The following EFHC1 variants were observed in gnomAD, a reference collection of about 807,000 sequenced individuals.
The protein encoded by EFHC1 is EF-hand domain containing 1.
A neutral mutation model predicts 69.9 loss-of-function variants in EFHC1; 53 were observed. The ratio of observed to expected loss-of-function variants is 0.76; its 90% CI spans 0.61 to 0.95. The LOEUF (loss-of-function observed/expected upper bound fraction) is 0.95, where lower values mean the gene tolerates loss of function less well. Ranked by LOEUF, EFHC1 falls within the 40% of genes least tolerant of loss-of-function variation. EFHC1 has a pLI of 0.00. For synonymous variants in EFHC1, 256 were observed against 278.4 expected, an observed-to-expected ratio of 0.92 and a Z score of 0.80; for missense variants, 739 against 798.7, an observed-to-expected ratio of 0.93 and a Z score of 0.90.
intron 3 of EFHC1, among the ~76,000 whole-genome samples, chr6:52,447,570 T>G (rs6458840): frequency 6.6e-6 from 1 of 152,168 alleles, no homozygotes; most frequent in Non-Finnish European, 1.5e-5. Flanking sequence ...TTTCTCTCAA[T>G]TCATCAAAGT....
Position 52,492,400 on chromosome 6 carries a change from C to G in EFHC1, c.*59C>G, listed in dbSNP as rs556512411. ...TACTGGAACTATGCTTTGAAATACA[C>G]CTTACACTCTTCATAGAGGCATTTA... On this transcript the variant is annotated 3_prime_UTR_variant, in exon 11 of 11. Transcript: ENST00000371068. 4.0e-6 allele frequency: 6 copies of G among 1,489,834 alleles called. No individual in the cohort carries two copies. The highest frequency in any genetic ancestry group is 5.6e-6 in the Non-Finnish European group (6 of 1,071,152). 92.3% of individuals were successfully genotyped at this position (1,489,834 alleles called of 1,614,324 possible). A position where few individuals can be genotyped will look rare whatever the true frequency, so the allele number is the denominator to read the frequency against.
At chr6:52,427,587 A>G (rs1375799274) in intron 2 of EFHC1, among the ~76,000 whole-genome samples, 1 of 149,168 alleles carries the variant, frequency 6.7e-6, no homozygotes, top group East Asian at 2.0e-4. Flanking sequence ...GCACTATATT[A>G]TAATTTGTGT....
At chr6:52,434,952 C>T (rs1764499544) in intron 2 of EFHC1, among the ~76,000 whole-genome samples, 1 of 152,042 alleles carries the variant, frequency 6.6e-6, no homozygotes, top group Non-Finnish European at 1.5e-5. Flanking sequence ...CTCCTTGCCT[C>T]CCATTCTCAG....
At chr6:52,450,506 ATTTAGCATAG>A (rs1764891588) in intron 3 of EFHC1, among the ~76,000 whole-genome samples, 1 of 152,118 alleles carries the variant, frequency 6.6e-6, no homozygotes. Context: ...GTGCATATGT[ATTTAGCATAG>A]TTAGTTTTTT....
chr6:52,462,749 A>G (rs1159545294), intron 5 of EFHC1, among the ~76,000 whole-genome samples: 1 of 151,954 alleles, frequency 6.6e-6, no homozygotes, highest in Non-Finnish European at 1.5e-5. Context: ...TTAGCCCAGC[A>G]TGGTGGCACG....
At chr6:52,483,061 C>G (rs953068420) in intron 9 of EFHC1, 4 of 389,206 alleles carry the variant, frequency 1.0e-5, no homozygotes, top group African/African-American at 8.3e-5. Context: ...TATACAGTGA[C>G]TAGTCACCAA....
At chr6:52,446,835 G>A (rs938880159) in intron 3 of EFHC1, among the ~76,000 whole-genome samples, 4 of 152,130 alleles carry the variant, frequency 2.6e-5, no homozygotes. Context: ...AGTTTGGCTG[G>A]ATATGAAATT....
chr6:52,432,904 T>A (rs1261574839), intron 2 of EFHC1, among the ~76,000 whole-genome samples: 1 of 152,038 alleles, frequency 6.6e-6, no homozygotes, highest in African/African-American at 2.4e-5. Flanking sequence ...TCTTTGTCTT[T>A]GTTGGATTGG....
chr6:52,490,217 A>G lies in EFHC1; in HGVS notation c.1718A>G (p.His573Arg). ...ACAATTCAGAAGCAACTGAAAGATC[A>G]CTCATGCAAAGACAACATTCGTGAG... is the stretch of plus-strand genomic sequence containing the variant. The part of the protein sequence containing the change: ...IDTIQKQLKD[H>R]SCKDNIREAF... Residue 573 changes from histidine (H) to arginine (R), a missense_variant, in exon 10 of 11, where the codon CAC becomes CGC. Physicochemically the swap from His to Arg is conservative, Grantham distance 29. Coordinates refer to ENST00000371068, the MANE Select transcript of EFHC1 (RefSeq NM_018100.4). 1 of 1,614,156 alleles carries G rather than the reference A, an allele frequency of 6.2e-7. No individual in the cohort carries two copies. The highest frequency in any genetic ancestry group is 8.5e-7 in the Non-Finnish European group (1 of 1,179,990).
chr6:52,449,122 G>A (rs556720504), intron 3 of EFHC1, among the ~76,000 whole-genome samples: 12 of 152,144 alleles, frequency 7.9e-5, no homozygotes, highest in Admixed American at 1.3e-4. Context: ...GGTGGCTCAC[G>A]CCTGTAATCC....
At chr6:52,483,667 G>C (rs772554086) in intron 9 of EFHC1, 1 of 152,216 alleles carries the variant, frequency 6.6e-6, no homozygotes, top group Non-Finnish European at 1.5e-5. Flanking sequence ...GCACTGGTGG[G>C]CATGTCTTAT....
chr6:52,484,608 A>G (rs116389349), intron 9 of EFHC1: 7 of 152,322 alleles, frequency 4.6e-5, no homozygotes, highest in African/African-American at 1.7e-4. Context: ...TGGGAAAACA[A>G]GAGTAAAAAG....
At chr6:52,443,297 TC>T (rs1487493440) in intron 3 of EFHC1, among the ~76,000 whole-genome samples, 1 of 152,260 alleles carries the variant, frequency 6.6e-6, no homozygotes, top group Non-Finnish European at 1.5e-5. Context: ...TTTAATTACA[TC>T]CCATTGGTCA....
chr6:52,478,603 A>G (rs1240750425), intron 7 of EFHC1, among the ~76,000 whole-genome samples: 1 of 152,228 alleles, frequency 6.6e-6, no homozygotes, highest in Non-Finnish European at 1.5e-5. Flanking sequence ...GAAGTTGAAC[A>G]TAATGTCAGC....
At chr6:52,469,176 A>T (rs780194296) in intron 6 of EFHC1, 157 bp from the exon 7 acceptor site, 98 of 901,694 alleles carry the variant, frequency 1.1e-4, no homozygotes, top group Non-Finnish European at 1.6e-4. Context: ...GGAAGGGGAT[A>T]AGTGATATGT....
intron 1 of EFHC1, chr6:52,421,040 A>G (rs748066908): frequency 1.1e-4 from 107 of 1,000,156 alleles, no homozygotes; most frequent in Non-Finnish European, 1.2e-4. Flanking sequence ...TTGTATGTAT[A>G]TCGATTCCGC....
In EFHC1 at chr6:52,493,587, G is replaced by A. The variant is rs1184158101; in HGVS notation, c.*1246G>A. ...GAATCACTTGAACCCTGGAGGCAGA[G>A]GTTGCAGTGAGCCAAGACCACGCCA... On this transcript the variant is annotated 3_prime_UTR_variant, in exon 11 of 11. Coordinates refer to ENST00000371068, the MANE Select transcript of EFHC1 (RefSeq NM_018100.4). 1 of 449,066 alleles carries A rather than the reference G, an allele frequency of 2.2e-6. No homozygotes were observed. The highest frequency in any genetic ancestry group is 1.6e-5 in the South Asian group (1 of 63,798). 27.8% of individuals were successfully genotyped at this position (449,066 alleles called of 1,614,324 possible). A position where few individuals can be genotyped will look rare whatever the true frequency, so the allele number is the denominator to read the frequency against.
intron 9 of EFHC1, chr6:52,485,803 TA>T (rs1449474221): frequency 6.6e-6 from 1 of 152,218 alleles, no homozygotes; most frequent in African/African-American, 2.4e-5. Flanking sequence ...ATGTTCCTTA[TA>T]CAGTCTGCAG....
chr6:52,462,738 A>T (rs1765198149), intron 5 of EFHC1, among the ~76,000 whole-genome samples: 1 of 152,020 alleles, frequency 6.6e-6, no homozygotes, highest in African/African-American at 2.4e-5. Flanking sequence ...AAATGCAAAA[A>T]TTAGCCCAGC....
Sources: allele counts gnomAD v4.1 joint callset (sites outside exome capture counted in the v4.1 genomes callset), GRCh38; gene constraint gnomAD v4.1.1; transcripts MANE v1.5; gene names NCBI Gene and HGNC (gene_info 2026-07-23, HGNC 2026-07-21).